L3MBTL3: variants seen among roughly 807,000 people sequenced by gnomAD.
L3MBTL3 encodes the protein lethal(3)malignant brain tumor-like protein 3.
A neutral mutation model predicts 102.3 loss-of-function variants in L3MBTL3; 27 were observed. That is an observed-to-expected ratio of 0.26 (90% CI 0.19 to 0.36). L3MBTL3 has a LOEUF of 0.36. Among genes scored for constraint, L3MBTL3 ranks in the 10% least tolerant of loss-of-function variants. The pLI is 1.00. For synonymous variants in L3MBTL3, 340 were observed against 320.9 expected (o/e 1.06, Z -0.64); for missense variants, 798 against 955.3 (o/e 0.84, Z 2.17).
chr6:130,056,800 C>T (rs1040880973), intron 8 of L3MBTL3, among the ~76,000 whole-genome samples: 1 of 152,076 alleles, frequency 6.6e-6, no homozygotes, highest in Non-Finnish European at 1.5e-5. Flanking sequence ...TTTGTATACT[C>T]TACCTTAGCC....
Position 130,052,928 on chromosome 6 carries a change from A to G in L3MBTL3, c.519A>G (p.Lys173=). The G allele has an allele frequency of 6.2e-7, 1 of 1,614,054 alleles. No homozygotes were observed. The highest frequency in any genetic ancestry group is 1.1e-5 in the South Asian group (1 of 91,082). Reference sequence around the variant, plus strand: ...AAGATCCTAAGTGTAGTCGGAAGAAAAAACCAAAATTATCTCTGAAAGCTG... The same window carrying G: ...AAGATCCTAAGTGTAGTCGGAAGAAGAAACCAAAATTATCTCTGAAAGCTG... The part of the protein sequence containing the change: ...EEEDPKCSRK[K]KPKLSLKADT... Residue 173 remains lysine, a synonymous_variant, in exon 7 of 23, where the codon AAA becomes AAG. Coordinates refer to ENST00000361794, the MANE Select transcript of L3MBTL3 (RefSeq NM_032438.4).
At chr6:130,115,486 GA>G (rs1276935877) in intron 19 of L3MBTL3, among the ~76,000 whole-genome samples, 3 of 152,174 alleles carry the variant, frequency 2.0e-5, no homozygotes, top group Non-Finnish European at 4.4e-5. Context: ...GGAACTAATT[GA>G]AACGTAATTG....
At chr6:130,108,570 A>G (rs1307194282) in intron 19 of L3MBTL3, among the ~76,000 whole-genome samples, 2 of 152,016 alleles carry the variant, frequency 1.3e-5, no homozygotes, top group African/African-American at 2.4e-5. Flanking sequence ...AAAGAGAAAT[A>G]GATTACTTTG....
intron 19 of L3MBTL3, among the ~76,000 whole-genome samples, chr6:130,113,753 A>G (rs1018574671): frequency 7.2e-5 from 11 of 152,362 alleles, no homozygotes; most frequent in Non-Finnish European, 2.9e-5. Context: ...TCTGGTTTAT[A>G]TTTTTAGCAC....
In L3MBTL3 at chr6:130,133,154, A is replaced by G. The variant is rs1422685981; in HGVS notation, c.1967-298A>G. On this transcript the variant is annotated intron_variant, in intron 20 of 22. Coordinates refer to ENST00000361794, the MANE Select transcript of L3MBTL3 (RefSeq NM_032438.4). This position sits in a 1 kb window ranked among gnomAD's most constrained non-coding sequence, Gnocchi z 4.9. ...TAGAATAAGACTAACTTTCCTTCCC[A>G]TTAAAACTTTGAGGCACGTTTCTTA... Among the ~76,000 whole-genome samples the G allele has an allele frequency of 3.3e-5, 5 of 152,234 alleles. No individual in the cohort carries two copies. Among genetic ancestry groups the G allele is most frequent in the African/African-American group, 4.8e-5 (2 of 41,466 alleles).
intron 10 of L3MBTL3, among the ~76,000 whole-genome samples, chr6:130,064,354 A>C (rs1163733269): frequency 2.0e-5 from 3 of 152,118 alleles, no homozygotes; most frequent in Non-Finnish European, 2.9e-5. Flanking sequence ...GGGTTTGCAG[A>C]CTGGAATAGG....
At chr6:130,080,233 A>G (rs1358366795) in intron 14 of L3MBTL3, among the ~76,000 whole-genome samples, 1 of 151,284 alleles carries the variant, frequency 6.6e-6, no homozygotes, top group African/African-American at 2.4e-5. Flanking sequence ...ACCCTGGGCA[A>G]CAGAGCAAGA....
intron 8 of L3MBTL3, among the ~76,000 whole-genome samples, chr6:130,055,502 CT>C (rs1781417530): frequency 7.1e-6 from 1 of 141,756 alleles, no homozygotes; most frequent in Non-Finnish European, 1.6e-5. Context: ...CTCCCTCCCT[CT>C]CTCCCTGCCT....
chr6:130,099,550 C>T (rs996302632), intron 18 of L3MBTL3, among the ~76,000 whole-genome samples: 1 of 152,162 alleles, frequency 6.6e-6, no homozygotes, highest in African/African-American at 2.4e-5. Context: ...ACATTTCTAA[C>T]ATGATGCAGA....
At chr6:130,088,173 G>C (rs1003346833) in intron 16 of L3MBTL3, among the ~76,000 whole-genome samples, 3 of 152,120 alleles carry the variant, frequency 2.0e-5, no homozygotes, top group African/African-American at 7.2e-5. Context: ...AGAAATACTG[G>C]CTGTGAGGGG....
chr6:130,122,367 GT>G lies in L3MBTL3; in HGVS notation c.1966+1410del, dbSNP rs530679229. Among the ~76,000 whole-genome samples the G allele has an allele frequency of 6.0e-4, 92 of 152,190 alleles. 1 individual carries two copies. Among genetic ancestry groups the G allele is most frequent in the Non-Finnish European group, 6.3e-4 (43 of 68,044 alleles). On this transcript the variant is annotated intron_variant, in intron 20 of 22. Transcript: ENST00000361794. ...CTTCAGCACCCCTTATGGTGTTTAT[GT>G]AGCACGGTGTACAAAGCCTATAAAT... is the stretch of plus-strand genomic sequence containing the variant.
At chr6:130,087,175 ATAAAT>A in intron 16 of L3MBTL3, among the ~76,000 whole-genome samples, 1 of 152,048 alleles carries the variant, frequency 6.6e-6, no homozygotes, top group African/African-American at 2.4e-5. Context: ...GTATAATAAA[ATAAAT>A]TATAAAATAA....
At chr6:130,024,214 A>T (rs1055286664) in intron 2 of L3MBTL3, among the ~76,000 whole-genome samples, 1 of 152,142 alleles carries the variant, frequency 6.6e-6, no homozygotes, top group African/African-American at 2.4e-5. Context: ...CCTCCGAATG[A>T]CTGAATTTAG....
At chr6:130,076,953 C>T (rs2115053231) in intron 13 of L3MBTL3, among the ~76,000 whole-genome samples, 1 of 152,126 alleles carries the variant, frequency 6.6e-6, no homozygotes, top group East Asian at 1.9e-4. Flanking sequence ...GAATGAATGA[C>T]CATTAAGAGA....
intron 13 of L3MBTL3, among the ~76,000 whole-genome samples, chr6:130,078,072 T>C (rs572919104): frequency 2.6e-5 from 4 of 152,042 alleles, no homozygotes; most frequent in Non-Finnish European, 4.4e-5. Context: ...AAGAGAGTAA[T>C]AGTTTGTCTT....
intron 16 of L3MBTL3, among the ~76,000 whole-genome samples, chr6:130,087,845 T>C (rs965372791): frequency 3.3e-5 from 5 of 152,094 alleles, no homozygotes; most frequent in African/African-American, 9.7e-5. Context: ...TGCTGTTGTT[T>C]TTTTTTTTAC....
chr6:130,054,859 A>G (rs886758370), intron 7 of L3MBTL3, among the ~76,000 whole-genome samples: 6 of 152,192 alleles, frequency 3.9e-5, no homozygotes, highest in African/African-American at 1.4e-4. Flanking sequence ...GAGGAGACAA[A>G]GAGGAGCCAG....
chr6:130,113,095 A>G (rs761541241), intron 19 of L3MBTL3, among the ~76,000 whole-genome samples: 2 of 152,156 alleles, frequency 1.3e-5, no homozygotes, highest in Non-Finnish European at 2.9e-5. Flanking sequence ...GTGAAACAAT[A>G]TATGTGTTTC....
At chr6:130,066,660 T>A (rs1185861000) in intron 11 of L3MBTL3, among the ~76,000 whole-genome samples, 172 bp downstream of exon 11, 1 of 152,140 alleles carries the variant, frequency 6.6e-6, no homozygotes, top group Non-Finnish European at 1.5e-5. Flanking sequence ...AAAAGCAGAA[T>A]CCAGCCTAGG....
Sources: allele counts gnomAD v4.1 joint callset (sites outside exome capture counted in the v4.1 genomes callset), GRCh38; gene constraint gnomAD v4.1.1; non-coding constraint Gnocchi (gnomAD v3.1); transcripts MANE v1.5; gene names NCBI Gene and HGNC (gene_info 2026-07-23, HGNC 2026-07-21).